The following CCDC91 variants were observed in gnomAD, a reference collection of about 807,000 sequenced individuals.
The protein encoded by CCDC91 is coiled-coil domain-containing protein 91.
Under a neutral mutation model 63.2 loss-of-function variants are expected in CCDC91, and 48 were observed. The ratio of observed to expected loss-of-function variants is 0.76; its 90% confidence interval spans 0.60 to 0.97. The LOEUF (loss-of-function observed/expected upper bound fraction) is 0.97. Among genes scored for constraint, CCDC91 ranks in the 50% least tolerant of loss-of-function variants. The pLI is 0.00. For missense variants in CCDC91, 500 were observed against 494.6 expected, an observed-to-expected ratio of 1.01 and a Z score of -0.10; for synonymous variants, 167 against 165.8, an observed-to-expected ratio of 1.01 and a Z score of -0.06.
At chr12:28,210,021 T>G (rs1943122198) in intron 1 of CCDC91, among the ~76,000 whole-genome samples, 1 of 152,222 alleles carries the variant, frequency 6.6e-6, no homozygotes, top group Non-Finnish European at 1.5e-5. Context: ...ATGCTTGTAC[T>G]TTCTGACTTG....
At chr12:28,518,843 A>T (rs1409795214) in intron 12 of CCDC91, among the ~76,000 whole-genome samples, 2 of 152,010 alleles carry the variant, frequency 1.3e-5, no homozygotes, top group Non-Finnish European at 1.5e-5. Context: ...GGTGAGAGAT[A>T]AGGATCCAGT....
chr12:28,246,785 T>C (rs1423632574), intron 1 of CCDC91, among the ~76,000 whole-genome samples: 3 of 152,064 alleles, frequency 2.0e-5, no homozygotes, highest in East Asian at 3.9e-4. Flanking sequence ...GGAAATAATA[T>C]AGAATTAACT....
intron 3 of CCDC91, among the ~76,000 whole-genome samples, chr12:28,292,037 GTCTCTGCTGCTTTA>G (rs1949283251): frequency 6.6e-6 from 1 of 152,166 alleles, no homozygotes; most frequent in Non-Finnish European, 1.5e-5. Flanking sequence ...GTTGCGAGTT[GTCTCTGCTGCTTTA>G]TCACCCGTTT....
At chr12:28,491,208 ATC>A in intron 12 of CCDC91, among the ~76,000 whole-genome samples, 1 of 151,646 alleles carries the variant, frequency 6.6e-6, no homozygotes, top group Admixed American at 6.6e-5. Context: ...AAAATTGTTC[ATC>A]TAAGTAATCA....
chr12:28,221,486 T>C (rs1243276290), intron 1 of CCDC91, among the ~76,000 whole-genome samples: 6 of 152,234 alleles, frequency 3.9e-5, no homozygotes, highest in Admixed American at 3.3e-4. Context: ...TGTTGATTGC[T>C]GAATTTTGTT....
At chr12:28,304,166 C>T (rs904603279) in intron 3 of CCDC91, among the ~76,000 whole-genome samples, 1 of 151,440 alleles carries the variant, frequency 6.6e-6, no homozygotes, top group Non-Finnish European at 1.5e-5. Context: ...ATCATGAGGT[C>T]AGGAGATCGA....
intron 3 of CCDC91, among the ~76,000 whole-genome samples, chr12:28,263,141 G>A (rs558517521): frequency 5.9e-5 from 9 of 152,030 alleles, no homozygotes; most frequent in African/African-American, 2.2e-4. Context: ...CACTGAATTT[G>A]TTCTGCATCT....
At chr12:28,323,666 T>G (rs1555184159) in intron 6 of CCDC91, among the ~76,000 whole-genome samples, 2 of 151,994 alleles carry the variant, frequency 1.3e-5, no homozygotes, top group Non-Finnish European at 2.9e-5. Context: ...GAAATTTTGT[T>G]AAATTCTTAG....
intron 11 of CCDC91, among the ~76,000 whole-genome samples, chr12:28,459,930 A>G (rs1950226273): frequency 6.6e-6 from 1 of 152,116 alleles, no homozygotes; most frequent in African/African-American, 2.4e-5. Context: ...TCTGTTCCCA[A>G]TGTGATAGTT....
intron 12 of CCDC91, among the ~76,000 whole-genome samples, chr12:28,538,789 G>C: frequency 6.6e-6 from 1 of 152,038 alleles, no homozygotes; most frequent in Non-Finnish European, 1.5e-5. Flanking sequence ...ACTTTTTAAT[G>C]ATTGCCATTC....
At chr12:28,213,597 T>C (rs1420637694) in intron 1 of CCDC91, among the ~76,000 whole-genome samples, 1 of 152,230 alleles carries the variant, frequency 6.6e-6, no homozygotes, top group Admixed American at 6.5e-5. Context: ...TTTGTTCTTA[T>C]TCCTGCTGGA....
intron 12 of CCDC91, among the ~76,000 whole-genome samples, chr12:28,519,717 C>A (rs1443690715): frequency 1.8e-5 from 2 of 114,126 alleles, no homozygotes; most frequent in Non-Finnish European, 3.5e-5. Context: ...TATCCCTCCC[C>A]CCTCCCCCCA....
chr12:28,309,821 G>A (rs183084148), intron 6 of CCDC91, among the ~76,000 whole-genome samples: 33 of 152,126 alleles, frequency 2.2e-4, no homozygotes, highest in Non-Finnish European at 4.3e-4. Flanking sequence ...CTACTCTTGT[G>A]GAGGCTTTTC....
chr12:28,432,969 T>C (rs1169872441), intron 8 of CCDC91, among the ~76,000 whole-genome samples: 1 of 152,104 alleles, frequency 6.6e-6, no homozygotes, highest in Non-Finnish European at 1.5e-5. Flanking sequence ...ATATGGGAAA[T>C]GTGATGTGAA....
At chr12:28,536,300 A>G (rs1942170574) in intron 12 of CCDC91, among the ~76,000 whole-genome samples, 2 of 152,202 alleles carry the variant, frequency 1.3e-5, no homozygotes, top group African/African-American at 4.8e-5. Context: ...TCTATCTAAA[A>G]TGCTACCAAT....
intron 8 of CCDC91, among the ~76,000 whole-genome samples, chr12:28,420,251 G>C (rs1375652980): frequency 6.6e-6 from 1 of 152,026 alleles, no homozygotes; most frequent in Non-Finnish European, 1.5e-5. Flanking sequence ...CTGTTATGTA[G>C]AAAATTTGAT....
chr12:28,330,129 C>A (rs1008169905), intron 6 of CCDC91, among the ~76,000 whole-genome samples: 4 of 152,052 alleles, frequency 2.6e-5, no homozygotes, highest in African/African-American at 9.7e-5. Context: ...GGGTCTATAC[C>A]CAGTAATGGG....
chr12:28,442,705 A>G lies in CCDC91; in HGVS notation c.763-7456A>G, dbSNP rs74583510. On this transcript the variant is annotated intron_variant, in intron 8 of 12. Transcript: ENST00000536442. ...AGATAAACTCTTGAGTGAGTATTCT[A>G]TATTCTCAGTAGATAACAATGAGAA... 1.1e-3 allele frequency among the ~76,000 whole-genome samples: 171 copies of G among 152,252 alleles called. 1 individual carries two copies. In the East Asian group the frequency reaches 0.015, roughly 14 times the overall value.
chr12:28,210,755 A>G lies in CCDC91; in HGVS notation c.-15+20114A>G, dbSNP rs1160907017. ...AAATTGAAGATGATTTGTGGAGGGTAAGATAATTAAAAAATGGTAAAGGAC... is the reference window on the plus strand; with the variant it reads ...AAATTGAAGATGATTTGTGGAGGGTGAGATAATTAAAAAATGGTAAAGGAC... On this transcript the variant is annotated intron_variant, in intron 1 of 12. Coordinates refer to ENST00000536442, the MANE Select transcript of CCDC91 (RefSeq NM_018318.5). Among the ~76,000 whole-genome samples, 2 of 151,958 alleles carry G rather than the reference A, an allele frequency of 1.3e-5. 1 individual carries two copies. The highest frequency in any genetic ancestry group is 4.8e-5 in the African/African-American group (2 of 41,376).
Sources: allele counts gnomAD v4.1 joint callset (sites outside exome capture counted in the v4.1 genomes callset), GRCh38; gene constraint gnomAD v4.1.1; transcripts MANE v1.5; gene names NCBI Gene and HGNC (gene_info 2026-07-23, HGNC 2026-07-21).